Variants in MALRD1 observed in about 807,000 individuals in gnomAD.
MALRD1 encodes MAM and LDL receptor class A domain containing 1.
A neutral mutation model predicts 242.1 loss-of-function variants in MALRD1; 247 were observed. The ratio of observed to expected loss-of-function variants is 1.02; its 90% CI spans 0.92 to 1.13. The LOEUF (loss-of-function observed/expected upper bound fraction) is 1.13, where lower values mean the gene tolerates loss of function less well. MALRD1 is among the 50% of genes most tolerant of loss of function. The pLI is 0.00. For missense variants in MALRD1, 2,989 were observed against 2,533.1 expected (o/e 1.18, Z -3.86); for synonymous variants, 995 against 866.6 (o/e 1.15, Z -2.60).
At chr10:19,599,885 C>T (rs1838273951) in intron 34 of MALRD1, among the ~76,000 whole-genome samples, 1 of 152,064 alleles carries the variant, frequency 6.6e-6, no homozygotes, top group South Asian at 2.1e-4. Flanking sequence ...GGTGGTGATA[C>T]CCATTGACCA....
intron 26 of MALRD1, among the ~76,000 whole-genome samples, chr10:19,358,583 T>C (rs1844749414): frequency 1.3e-5 from 2 of 152,216 alleles, no homozygotes; most frequent in African/African-American, 4.8e-5. Flanking sequence ...GCTTACTAAC[T>C]GTGTGATGTC....
chr10:19,237,774 CATA>C (rs1242794362), intron 18 of MALRD1, among the ~76,000 whole-genome samples: 9 of 102,844 alleles, frequency 8.8e-5, no homozygotes, highest in East Asian at 2.9e-4. Context: ...TATATAAAAA[CATA>C]ATTATTTATA....
chr10:19,203,085 A>G (rs1411485387), intron 14 of MALRD1, among the ~76,000 whole-genome samples: 1 of 152,114 alleles, frequency 6.6e-6, no homozygotes, highest in Non-Finnish European at 1.5e-5. Flanking sequence ...TACTAACATT[A>G]TGATTTCCCT....
chr10:19,526,134 C>T (rs760507303), intron 31 of MALRD1, among the ~76,000 whole-genome samples: 6 of 151,922 alleles, frequency 3.9e-5, no homozygotes, highest in Non-Finnish European at 8.8e-5. Context: ...AAGGATTTTG[C>T]TAGATATAAA....
At chr10:19,255,692 A>G (rs1839474381) in intron 18 of MALRD1, among the ~76,000 whole-genome samples, 1 of 152,108 alleles carries the variant, frequency 6.6e-6, no homozygotes, top group South Asian at 2.1e-4. Flanking sequence ...AGCAAATTGA[A>G]GATATTTTGG....
chr10:19,503,963 G>A (rs1025654085), intron 31 of MALRD1, among the ~76,000 whole-genome samples: 3 of 152,144 alleles, frequency 2.0e-5, no homozygotes, highest in Non-Finnish European at 2.9e-5. Context: ...ACTGACAAGA[G>A]CATACAAGCT....
rs371584010 is a variant in MALRD1, at chr10:19,138,422, A to ATT, written c.1411+1655_1411+1656dup. Among the ~76,000 whole-genome samples the ATT allele has an allele frequency of 7.9e-3, 1,085 of 136,564 alleles. 22 individuals are homozygous for ATT. The highest frequency in any genetic ancestry group is 0.023 in the African/African-American group (868 of 37,624). 89.6% of individuals were successfully genotyped at this position (136,564 alleles called of 152,430 possible). On this transcript the variant is annotated intron_variant, in intron 10 of 39. Coordinates refer to ENST00000454679, the MANE Select transcript of MALRD1 (RefSeq NM_001142308.3). ...TATTTCCTTTCTTTCCACGTATTTA[A>ATT]TTTTTTTTTTTTTTTGGGGACAGAG...
intron 14 of MALRD1, among the ~76,000 whole-genome samples, chr10:19,181,912 T>A (rs1005231920): frequency 6.6e-6 from 1 of 152,114 alleles, no homozygotes; most frequent in Non-Finnish European, 1.5e-5. Context: ...AATGTATCGA[T>A]TTAATAGTGT....
chr10:19,432,054 A>G (rs1039021247), intron 28 of MALRD1, among the ~76,000 whole-genome samples: 2 of 152,174 alleles, frequency 1.3e-5, no homozygotes, highest in Admixed American at 1.3e-4. Flanking sequence ...TCAGCCATCA[A>G]CCACTAAGTG....
intron 29 of MALRD1, chr10:19,488,755 G>A (rs1209379550): frequency 1.3e-5 from 3 of 224,292 alleles, no homozygotes; most frequent in Non-Finnish European, 2.8e-5. Context: ...TTATTAGGGG[G>A]TTTGGATTTA....
intron 26 of MALRD1, among the ~76,000 whole-genome samples, chr10:19,383,256 G>A (rs550539566): frequency 3.3e-5 from 5 of 151,938 alleles, no homozygotes; most frequent in South Asian, 2.1e-4. Context: ...CTTAGTGTCC[G>A]TATGTCCTCA....
intron 25 of MALRD1, 44 bp downstream of exon 25, chr10:19,348,062 A>G: frequency 1.3e-6 from 2 of 1,523,276 alleles, no homozygotes; most frequent in Non-Finnish European, 1.8e-6. Flanking sequence ...ACACAGAATT[A>G]TTGTGAGCAA....
chr10:19,341,101 G>A (rs1411372068), intron 24 of MALRD1, among the ~76,000 whole-genome samples: 1 of 151,912 alleles, frequency 6.6e-6, no homozygotes, highest in African/African-American at 2.4e-5. Flanking sequence ...TTAACCATTA[G>A]CAATAATTTG....
At chr10:19,292,585 A>G (rs1841495461) in intron 21 of MALRD1, among the ~76,000 whole-genome samples, 1 of 152,140 alleles carries the variant, frequency 6.6e-6, no homozygotes, top group Admixed American at 6.6e-5. Flanking sequence ...ACATCATGAT[A>G]AACTAAAAGC....
chr10:19,180,679 A>C (rs1835466059), intron 14 of MALRD1, among the ~76,000 whole-genome samples: 1 of 152,220 alleles, frequency 6.6e-6, no homozygotes, highest in Non-Finnish European at 1.5e-5. Flanking sequence ...TTTTAATATC[A>C]CACCAAATGC....
chr10:19,118,611 T>C (rs762227010), intron 5 of MALRD1, among the ~76,000 whole-genome samples: 3 of 152,090 alleles, frequency 2.0e-5, no homozygotes, highest in Non-Finnish European at 4.4e-5. Flanking sequence ...TCAGAGAAAA[T>C]AGACTGTAGA....
intron 39 of MALRD1, 52 bp from the exon 40 acceptor site, chr10:19,734,105 C>G: frequency 7.1e-7 from 1 of 1,399,184 alleles, no homozygotes; most frequent in Non-Finnish European, 9.7e-7. Flanking sequence ...AAAGAGTTTT[C>G]TTATCTTAAT....
chr10:19,621,996 TG>T (rs1839423890), intron 36 of MALRD1, among the ~76,000 whole-genome samples: 2 of 151,908 alleles, frequency 1.3e-5, no homozygotes, highest in East Asian at 1.9e-4. Context: ...CTATGGAAAA[TG>T]TAAATTGATG....
At chr10:19,461,805 C>G (rs1448791970) in intron 29 of MALRD1, among the ~76,000 whole-genome samples, 1 of 152,190 alleles carries the variant, frequency 6.6e-6, no homozygotes, top group Non-Finnish European at 1.5e-5. Context: ...GATCTCACCA[C>G]TGCACCCCAA....
Sources: allele counts gnomAD v4.1 joint callset (sites outside exome capture counted in the v4.1 genomes callset), GRCh38; gene constraint gnomAD v4.1.1; transcripts MANE v1.5; gene names NCBI Gene and HGNC (gene_info 2026-07-23, HGNC 2026-07-21).